The following HMGB1 variants were observed in gnomAD, a reference collection of about 807,000 sequenced individuals.
HMGB1 encodes high mobility group box 1.
For synonymous variants in HMGB1, 81 were observed against 84.0 expected, an observed-to-expected ratio of 0.96 and a Z score of 0.19; for missense variants, 79 against 253.5, an observed-to-expected ratio of 0.31 and a Z score of 4.67.
chr13:30,586,323 T>C (rs1214154369), intron 1 of HMGB1, among the ~76,000 whole-genome samples: 1 of 152,164 alleles, frequency 6.6e-6, no homozygotes, highest in Non-Finnish European at 1.5e-5. Context: ...AGTTCTTCTA[T>C]CAGCTTCTCC....
At chr13:30,586,470 GTTT>G (rs1228323938) in intron 1 of HMGB1, among the ~76,000 whole-genome samples, 4 of 123,248 alleles carry the variant, frequency 3.2e-5, no homozygotes, top group African/African-American at 1.2e-4. Context: ...GAAATCACTG[GTTT>G]TTTTTGTTTT....
chr13:30,520,982 C>A (rs1888225323), intron 1 of HMGB1, among the ~76,000 whole-genome samples: 2 of 152,130 alleles, frequency 1.3e-5, no homozygotes, highest in Admixed American at 6.6e-5. Flanking sequence ...CAACTGATAC[C>A]CATTTTCTAA....
At chr13:30,487,863 C>A (rs567251800) in intron 1 of HMGB1, among the ~76,000 whole-genome samples, 1 of 152,038 alleles carries the variant, frequency 6.6e-6, no homozygotes, top group African/African-American at 2.4e-5. Flanking sequence ...TTGAAAATCA[C>A]GGGTTCTAAG....
intron 1 of HMGB1, among the ~76,000 whole-genome samples, chr13:30,484,720 A>G (rs1255476769): frequency 1.3e-5 from 2 of 151,496 alleles, no homozygotes; most frequent in African/African-American, 4.8e-5. Context: ...AGAAAGAGAG[A>G]AAGAGAGAGA....
intron 1 of HMGB1, among the ~76,000 whole-genome samples, chr13:30,496,315 A>G (rs1887609099): frequency 6.6e-6 from 1 of 152,232 alleles, no homozygotes; most frequent in Non-Finnish European, 1.5e-5. Context: ...GTAATGTACC[A>G]AACACCAAGG....
At chr13:30,598,226 C>T (rs1215160683) in intron 1 of HMGB1, among the ~76,000 whole-genome samples, 7 of 152,196 alleles carry the variant, frequency 4.6e-5, no homozygotes, top group Non-Finnish European at 1.0e-4. Flanking sequence ...TGACTTACAT[C>T]TAGAGATTTA....
chr13:30,482,071 C>G (rs1290112637), intron 1 of HMGB1, among the ~76,000 whole-genome samples: 1 of 152,174 alleles, frequency 6.6e-6, no homozygotes, highest in African/African-American at 2.4e-5. Context: ...CTCAAGTGAT[C>G]TGCCTGCCTC....
intron 1 of HMGB1, among the ~76,000 whole-genome samples, chr13:30,574,609 A>C (rs924822962): frequency 6.6e-6 from 1 of 152,240 alleles, no homozygotes; most frequent in African/African-American, 2.4e-5. Context: ...GAATGTAATA[A>C]GGTGCTCATT....
At chr13:30,548,434 T>C (rs1869269674) in intron 1 of HMGB1, among the ~76,000 whole-genome samples, 1 of 152,236 alleles carries the variant, frequency 6.6e-6, no homozygotes, top group Non-Finnish European at 1.5e-5. Context: ...GGTATATCTT[T>C]ATTAACAGCA....
In HMGB1 at chr13:30,533,478, C is replaced by A. The variant is rs145856823; in HGVS notation, c.-14-69784G>T. ...CTCCTGGGTTCAAGTGATTCTCCTG[C>A]CTTAGCCTCCCAAGTAGCTGGGATT... On this transcript the variant is annotated intron_variant, in intron 1 of 4. Transcript: ENST00000405805. Among the ~76,000 whole-genome samples the A allele has an allele frequency of 2.2e-3, 335 of 152,246 alleles. 5 individuals carry two copies. Among genetic ancestry groups the A allele is most frequent in the Non-Finnish European group, 4.4e-4 (30 of 68,002 alleles).
In HMGB1 at chr13:30,463,742, A is replaced by G. The variant is rs908281054; in HGVS notation, c.-14-48T>C. Reference sequence around the variant, plus strand: ...GATGTTAGCAATAAAATTATGACATATAAGACCTTAAAGTACTTAGTAAGG... The same window carrying G: ...GATGTTAGCAATAAAATTATGACATGTAAGACCTTAAAGTACTTAGTAAGG... On this transcript the variant is annotated intron_variant, in intron 1 of 4. Transcript: ENST00000341423. 27 of 1,256,026 alleles carry G rather than the reference A, an allele frequency of 2.1e-5. No individual in the cohort carries two copies. The African/African-American group carries it at 2.6e-4, about 12-fold the overall frequency. The allele number at this position is 1,256,026 out of a possible 1,614,324, so 77.8% of individuals were successfully genotyped here. A position where few individuals can be genotyped will look rare whatever the true frequency, so the allele number is the denominator to read the frequency against.
chr13:30,577,861 C>G (rs905168752), intron 1 of HMGB1, among the ~76,000 whole-genome samples: 9 of 152,298 alleles, frequency 5.9e-5, no homozygotes, highest in African/African-American at 2.2e-4. Context: ...CACAAGGCTG[C>G]CCACATCATC....
Position 30,599,875 on chromosome 13 carries a change from C to T in HMGB1, c.-15+16796G>A, listed in dbSNP as rs372356197. ...GGGGCACAATTCAGCCCGTAACAGGCCTAGACCTTAATTTGTCAACACTAC... is the reference window on the plus strand; with the variant it reads ...GGGGCACAATTCAGCCCGTAACAGGTCTAGACCTTAATTTGTCAACACTAC... On this transcript the variant is annotated intron_variant, in intron 1 of 4. Coordinates refer to the HMGB1 transcript ENST00000405805. 1.4e-3 allele frequency among the ~76,000 whole-genome samples: 209 copies of T among 152,244 alleles called. 11 individuals are homozygous for T. In the South Asian group the frequency reaches 0.041, roughly 30 times the overall value.
chr13:30,476,369 C>T (rs1243954919), intron 1 of HMGB1, among the ~76,000 whole-genome samples: 1 of 151,760 alleles, frequency 6.6e-6, no homozygotes, highest in African/African-American at 2.4e-5. Context: ...GAACTCCTGA[C>T]CTCAAGTGTT....
At chr13:30,465,049 AAGAG>A (rs1436898088) in intron 1 of HMGB1, 5 of 570,890 alleles carry the variant, frequency 8.8e-6, no homozygotes, top group East Asian at 3.1e-4. Flanking sequence ...GGGCTGTGAA[AAGAG>A]AGAGGAAAAA....
intron 1 of HMGB1, among the ~76,000 whole-genome samples, chr13:30,491,458 C>T (rs531650909): frequency 1.3e-4 from 19 of 144,168 alleles, no homozygotes; most frequent in Middle Eastern, 3.4e-3. Flanking sequence ...CTGAGGCAGG[C>T]GGATAGCCAG....
chr13:30,462,322 C>A, intron 4 of HMGB1: 1 of 581,364 alleles, frequency 1.7e-6, no homozygotes, highest in Non-Finnish European at 3.1e-6. Context: ...ACAAAACCAA[C>A]ATAAATGTAC....
At chr13:30,519,378 G>A (rs1243381948) in intron 1 of HMGB1, among the ~76,000 whole-genome samples, 4 of 144,866 alleles carry the variant, frequency 2.8e-5, no homozygotes, top group African/African-American at 1.0e-4. Context: ...GAGTGACAGA[G>A]TGACACTCTG....
intron 1 of HMGB1, among the ~76,000 whole-genome samples, chr13:30,495,481 T>C (rs1273089673): frequency 7.0e-5 from 3 of 43,136 alleles, no homozygotes; most frequent in Non-Finnish European, 2.4e-4. Context: ...TTTTCTTTTC[T>C]TTTTTTTTTT....
Sources: allele counts gnomAD v4.1 joint callset (sites outside exome capture counted in the v4.1 genomes callset), GRCh38; gene constraint gnomAD v4.1.1; transcripts MANE v1.5; gene names NCBI Gene and HGNC (gene_info 2026-07-23, HGNC 2026-07-21).